Variants in PADI2 observed in about 807,000 individuals in gnomAD.
PADI2 encodes the protein protein-arginine deiminase type-2.
PADI2 carries 70 observed loss-of-function variants against 81.1 expected under a neutral mutation model. The ratio of observed to expected loss-of-function variants is 0.86; its 90% CI spans 0.71 to 1.05. The LOEUF is 1.05. PADI2 is among the 50% of genes least tolerant of loss of function. PADI2 has a pLI of 0.00. For synonymous variants in PADI2, 338 were observed against 358.0 expected (o/e 0.94, Z 0.63); for missense variants, 853 against 889.9 (o/e 0.96, Z 0.53).
At position 17,093,582 on chromosome 1, in the gene PADI2, CCTT is replaced by C; in HGVS notation, c.511_513del (p.Lys171del). ...CTGCTGGCACCTTCCTTGCTGTAGA[CCTT>C]CTCATCACGGCAGTCCTCCTTGGGC... On this transcript the variant is annotated inframe_deletion, in exon 5 of 16. Coordinates refer to ENST00000375486, the MANE Select transcript of PADI2 (RefSeq NM_007365.3). 1.2e-6 allele frequency: 2 copies of C among 1,609,672 alleles called. No homozygotes were observed. Among genetic ancestry groups the C allele is most frequent in the Non-Finnish European group, 1.7e-6 (2 of 1,176,024 alleles).
intron 9 of PADI2, 146 bp downstream of exon 9, chr1:17,083,580 T>C: frequency 1.6e-6 from 1 of 628,834 alleles, no homozygotes. Flanking sequence ...TGTATGTTTA[T>C]GTCTTTGTGC....
In PADI2 at chr1:17,078,366, C is replaced by A. The variant is rs371872437; in HGVS notation, c.1310+898G>T. Among the ~76,000 whole-genome samples, 8 of 152,276 alleles carry A rather than the reference C, an allele frequency of 5.3e-5. No homozygotes were observed. In the East Asian group the frequency reaches 1.2e-3, roughly 22 times the overall value. On this transcript the variant is annotated intron_variant, in intron 11 of 15. Coordinates refer to ENST00000375486, the MANE Select transcript of PADI2 (RefSeq NM_007365.3). ...CCTCAGGTGATCCACCCGCCTCGGC[C>A]TCCCAAAGTACTGGGATTACAGGCG...
At chr1:17,086,792 C>T in intron 6 of PADI2, 93 bp from the exon 7 acceptor site, 1 of 1,037,268 alleles carries the variant, frequency 9.6e-7, no homozygotes. Context: ...GGCAAAGTAA[C>T]TTGTCCTCTA....
chr1:17,110,759 T>C (rs1279070337), intron 1 of PADI2, among the ~76,000 whole-genome samples: 4 of 152,240 alleles, frequency 2.6e-5, no homozygotes, highest in African/African-American at 9.6e-5. Context: ...GCCTGGCAAA[T>C]GTCCATCTCT....
chr1:17,117,134 T>C (rs545391269), intron 1 of PADI2, among the ~76,000 whole-genome samples: 4 of 152,340 alleles, frequency 2.6e-5, no homozygotes, highest in African/African-American at 9.6e-5. Context: ...TGAGAAACTC[T>C]GCACTAGACC....
intron 6 of PADI2, among the ~76,000 whole-genome samples, chr1:17,091,344 A>G (rs1183180398): frequency 6.6e-6 from 1 of 151,054 alleles, no homozygotes; most frequent in East Asian, 2.0e-4. Flanking sequence ...GCCTTGTACC[A>G]TGGCAAATTG....
chr1:17,093,045 C>G (rs1930762161), intron 5 of PADI2, among the ~76,000 whole-genome samples: 1 of 151,624 alleles, frequency 6.6e-6, no homozygotes, highest in Non-Finnish European at 1.5e-5. Context: ...GATGATTAAC[C>G]TTTTGGGAAT....
At chr1:17,069,335 A>G (rs2078248524) in intron 15 of PADI2, 58 bp from the exon 16 acceptor site, 1 of 1,300,692 alleles carries the variant, frequency 7.7e-7, no homozygotes, top group Non-Finnish European at 1.1e-6. Flanking sequence ...TAGTACACAC[A>G]TGCCTATCCT....
intron 3 of PADI2, among the ~76,000 whole-genome samples, chr1:17,097,514 C>T (rs889258500): frequency 6.6e-6 from 1 of 152,198 alleles, no homozygotes; most frequent in Admixed American, 6.5e-5. Flanking sequence ...CCTCCGATCG[C>T]ATTCACTCCA....
In PADI2 at chr1:17,113,035, A is replaced by C. The variant is rs188568083; in HGVS notation, c.92+6245T>G. 3.0e-4 allele frequency among the ~76,000 whole-genome samples: 46 copies of C among 152,236 alleles called. No homozygotes were observed. In the East Asian group the frequency reaches 6.6e-3, roughly 22 times the overall value. On this transcript the variant is annotated intron_variant, in intron 1 of 15. Coordinates refer to ENST00000375486, the MANE Select transcript of PADI2 (RefSeq NM_007365.3). Reference sequence around the variant, plus strand: ...CAGTCCATCCTTCAAGACCCAGCTCAGTTGCCACCTCTTCCAGGAAGTCAT... The same window carrying C: ...CAGTCCATCCTTCAAGACCCAGCTCCGTTGCCACCTCTTCCAGGAAGTCAT...
At chr1:17,095,826 AAAT>A in intron 4 of PADI2, 80 bp downstream of exon 4, 1 of 1,088,574 alleles carries the variant, frequency 9.2e-7, no homozygotes, top group South Asian at 1.4e-5. Context: ...CTGAGCTGTG[AAAT>A]GGGAATTGCC....
At chr1:17,075,441 G>C (rs530272967) in intron 12 of PADI2, 11 of 462,866 alleles carry the variant, frequency 2.4e-5, no homozygotes, top group African/African-American at 2.0e-4. Context: ...TATGAGAAAA[G>C]AATTTAAATC....
intron 13 of PADI2, among the ~76,000 whole-genome samples, chr1:17,072,468 C>A (rs1374782519): frequency 6.6e-6 from 1 of 152,166 alleles, no homozygotes; most frequent in Non-Finnish European, 1.5e-5. Context: ...TAGTTTTTAT[C>A]ATCTTTTAAA....
In PADI2 at chr1:17,098,798, C is replaced by G. The variant is rs1447287469; in HGVS notation, c.350-2828G>C. ...CCACCCTGTAGTCATGCCCATGGGA[C>G]TTCGCCCCTGCAAGGCTTCCCCCAA... On this transcript the variant is annotated intron_variant, in intron 3 of 15. Coordinates refer to ENST00000375486, the MANE Select transcript of PADI2 (RefSeq NM_007365.3). Among the ~76,000 whole-genome samples, 4 of 152,238 alleles carry G rather than the reference C, an allele frequency of 2.6e-5. No individual in the cohort carries two copies. The East Asian group carries it at 7.7e-4, about 29-fold the overall frequency.
Position 17,079,415 on chromosome 1 carries a change from C to T in PADI2, c.1159G>A (p.Gly387Ser). Residue 387 changes from glycine to serine, a missense_variant and splice_region_variant, in exon 11 of 16, where the codon GGC becomes AGC. Physicochemically the swap from Gly to Ser is moderately conservative, Grantham distance 56. Transcript: ENST00000375486. ...CGGGTCACGTAGCCAAAATCTGGGCCCTAGGCAGAGGGCACACACCTGCGT... is the reference window on the plus strand; with the variant it reads ...CGGGTCACGTAGCCAAAATCTGGGCTCTAGGCAGAGGGCACACACCTGCGT... ...LKDFPVKELL[G>S]PDFGYVTREP... 1.2e-6 allele frequency: 2 copies of T among 1,613,406 alleles called. No individual in the cohort carries two copies. The highest frequency in any genetic ancestry group is 1.7e-6 in the Non-Finnish European group (2 of 1,179,500).
At chr1:17,109,107 G>T (rs773303269) in intron 1 of PADI2, among the ~76,000 whole-genome samples, 1 of 152,088 alleles carries the variant, frequency 6.6e-6, no homozygotes, top group Non-Finnish European at 1.5e-5. Context: ...GGGGATGGCT[G>T]GGTGCGGTGG....
chr1:17,085,831 C>T (rs947141576), intron 7 of PADI2, among the ~76,000 whole-genome samples: 2 of 152,264 alleles, frequency 1.3e-5, no homozygotes, highest in Admixed American at 6.5e-5. Flanking sequence ...CTTGTGTTTG[C>T]GAGAGCAGCC....
In PADI2 at chr1:17,119,204, CGTCCCCGA is replaced by C; in HGVS notation, c.92+68_92+75del. ...ACTCGGGCTGGACAAAGGCTGTCCA[CGTCCCCGA>C]GTCTGAGCGCGTCTCAGGATTTCTG... On this transcript the variant is annotated intron_variant, in intron 1 of 15. Coordinates refer to ENST00000375486, the MANE Select transcript of PADI2 (RefSeq NM_007365.3). The surrounding 1 kb of genome is among the most constrained non-coding windows in gnomAD (Gnocchi z 4.8). 9.4e-7 allele frequency: 1 copy of C among 1,061,860 alleles called. No homozygotes were observed. Among genetic ancestry groups the C allele is most frequent in the Non-Finnish European group, 1.4e-6 (1 of 734,254 alleles). 65.8% of individuals were successfully genotyped at this position (1,061,860 alleles called of 1,614,324 possible). A position where few individuals can be genotyped will look rare whatever the true frequency, so the allele number is the denominator to read the frequency against.
At chr1:17,099,980 G>A (rs1569574811) in intron 3 of PADI2, among the ~76,000 whole-genome samples, 1 of 152,150 alleles carries the variant, frequency 6.6e-6, no homozygotes, top group Non-Finnish European at 1.5e-5. Flanking sequence ...TAGGACCAGG[G>A]TGAGAGAGAT....
Sources: gnomAD v4.1 joint callset for allele counts (sites outside exome capture counted in the v4.1 genomes callset) on GRCh38, gnomAD v4.1.1 for gene constraint, Gnocchi (gnomAD v3.1) non-coding constraint, MANE v1.5 for transcripts, NCBI Gene and HGNC (gene_info 2026-07-23, HGNC 2026-07-21) for gene names.